Variants in SPATS2L observed in about 807,000 individuals in gnomAD.
SPATS2L encodes the protein spermatogenesis associated serine rich 2 like, also known as SPATS2-like protein.
SPATS2L carries 30 observed loss-of-function variants against 59.6 expected under a neutral mutation model. That is an observed-to-expected ratio of 0.50 (90% CI 0.38 to 0.68). SPATS2L has a LOEUF of 0.68. SPATS2L is among the 30% of genes least tolerant of loss of function. The pLI is 0.00. For synonymous variants in SPATS2L, 252 were observed against 263.5 expected (o/e 0.96, Z 0.42); for missense variants, 615 against 700.0 (o/e 0.88, Z 1.37).
rs182704153 is a variant in SPATS2L, at chr2:200,477,732, G to A, written c.1378G>A (p.Glu460Lys). ...GTCGCAGGGCAGTGGGAATGAAGCCGAGCCACTGGGAAAGGGCAACAGCCG... is the reference window on the plus strand; with the variant it reads ...GTCGCAGGGCAGTGGGAATGAAGCCAAGCCACTGGGAAAGGGCAACAGCCG... The part of the protein sequence containing the change: ...AKSQGSGNEA[E>K]PLGKGNSRHE... Residue 460 changes from glutamate to lysine, a missense_variant, in exon 13 of 13, where the codon GAG (glutamate) becomes AAG (lysine). Glu to Lys is a moderately conservative substitution (Grantham distance 56). This residue lies in a region of SPATS2L where 284 missense variants were observed against 280.1 expected (regional missense o/e 1.01). Coordinates refer to ENST00000409140, the MANE Select transcript of SPATS2L (RefSeq NM_001100423.2). The A allele has an allele frequency of 7.3e-5, 115 of 1,570,358 alleles. No individual in the cohort carries two copies. The highest frequency in any genetic ancestry group is 2.3e-5 in the South Asian group (2 of 85,586).
At chr2:200,379,993 A>T (rs1477808260) in intron 2 of SPATS2L, among the ~76,000 whole-genome samples, 1 of 152,172 alleles carries the variant, frequency 6.6e-6, no homozygotes, top group Admixed American at 6.5e-5. Context: ...TCAGAAGCAG[A>T]TCCTTATAGG....
intron 8 of SPATS2L, 75 bp from the exon 9 acceptor site, chr2:200,459,694 A>T: frequency 9.0e-7 from 1 of 1,106,098 alleles, no homozygotes; most frequent in Non-Finnish European, 1.3e-6. Context: ...AAATAATTTT[A>T]CTTTCAGTGC....
intron 1 of SPATS2L, among the ~76,000 whole-genome samples, chr2:200,318,379 A>G (rs1457674959): frequency 1.3e-5 from 2 of 152,178 alleles, no homozygotes; most frequent in Non-Finnish European, 2.9e-5. Context: ...CCATACCCTC[A>G]ATTTTAGTGC....
At chr2:200,336,233 A>G (rs558827548) in intron 2 of SPATS2L, among the ~76,000 whole-genome samples, 1 of 152,362 alleles carries the variant, frequency 6.6e-6, no homozygotes, top group Admixed American at 6.5e-5. Context: ...TGAAAATTTT[A>G]TGATACCTGG....
At chr2:200,307,175 C>T (rs28758890) in intron 1 of SPATS2L, among the ~76,000 whole-genome samples, 4,148 of 151,500 alleles carry the variant, frequency 0.027, 187 homozygotes, top group African/African-American at 0.095. Context: ...CGGGAGGAGG[C>T]GCCGGCTGGG....
intron 8 of SPATS2L, among the ~76,000 whole-genome samples, chr2:200,448,678 G>C (rs1477970141): frequency 1.3e-5 from 2 of 152,094 alleles, no homozygotes; most frequent in Non-Finnish European, 2.9e-5. Flanking sequence ...TCATCAAGTA[G>C]TTTTTCTAAG....
At chr2:200,372,843 A>T (rs201793235) in intron 2 of SPATS2L, among the ~76,000 whole-genome samples, 3 of 152,146 alleles carry the variant, frequency 2.0e-5, no homozygotes, top group African/African-American at 4.8e-5. Context: ...ATGCAGATAC[A>T]TTGTGAGGTC....
At chr2:200,369,195 G>T (rs1281317147) in intron 2 of SPATS2L, among the ~76,000 whole-genome samples, 1 of 151,770 alleles carries the variant, frequency 6.6e-6, no homozygotes, top group Admixed American at 6.6e-5. Context: ...GACTCGCTTT[G>T]TCACCCAGGC....
At chr2:200,444,227 A>G (rs2084885604) in intron 8 of SPATS2L, among the ~76,000 whole-genome samples, 1 of 152,248 alleles carries the variant, frequency 6.6e-6, no homozygotes, top group Admixed American at 6.5e-5. Flanking sequence ...ATTGCTTTAT[A>G]TGCAGACTAG....
chr2:200,474,938 C>T (rs181407407), intron 12 of SPATS2L, among the ~76,000 whole-genome samples: 1 of 152,294 alleles, frequency 6.6e-6, no homozygotes, highest in East Asian at 1.9e-4. Flanking sequence ...CTGGAATCTA[C>T]ACTCTTTGTT....
intron 9 of SPATS2L, among the ~76,000 whole-genome samples, chr2:200,465,441 G>A (rs2086524415): frequency 6.6e-6 from 1 of 152,324 alleles, no homozygotes; most frequent in Non-Finnish European, 1.5e-5. Context: ...CCACCTTTTT[G>A]TGACCTTTGG....
chr2:200,361,291 G>C (rs961540228), intron 2 of SPATS2L, among the ~76,000 whole-genome samples: 2 of 152,024 alleles, frequency 1.3e-5, no homozygotes, highest in Non-Finnish European at 2.9e-5. Context: ...AGAGAGAGAA[G>C]AAAAAGGAGA....
intron 2 of SPATS2L, among the ~76,000 whole-genome samples, chr2:200,331,155 C>T (rs531977565): frequency 8.5e-4 from 129 of 152,170 alleles, no homozygotes; most frequent in African/African-American, 3.0e-3. Flanking sequence ...AAGAGGTGTC[C>T]GAATTCAATT....
chr2:200,366,992 C>T (rs1474299892), intron 2 of SPATS2L, among the ~76,000 whole-genome samples: 1 of 152,170 alleles, frequency 6.6e-6, no homozygotes, highest in African/African-American at 2.4e-5. Context: ...TTGCTGGTGA[C>T]TGTCACTAAT....
Position 200,481,824 on chromosome 2 carries a change from GCACC to G in SPATS2L, c.*3795_*3798del, listed in dbSNP as rs1432536273. 53 of 152,380 alleles carry G rather than the reference GCACC, an allele frequency of 3.5e-4. No individual in the cohort carries two copies. In the East Asian group the frequency reaches 0.01, roughly 29 times the overall value. The allele number at this position is 152,380 out of a possible 1,614,324, so 9.4% of individuals were successfully genotyped here. Reference sequence around the variant, plus strand: ...GCCTCCCGAGTAGCTGGGACTACAGGCACCCGCCACCACACCTGGCTAATTTTTT... The same window carrying G: ...GCCTCCCGAGTAGCTGGGACTACAGGCGCCACCACACCTGGCTAATTTTTT... On this transcript the variant is annotated 3_prime_UTR_variant, in exon 13 of 13. Coordinates refer to ENST00000409140, the MANE Select transcript of SPATS2L (RefSeq NM_001100423.2).
At chr2:200,392,450 A>G (rs996220651) in intron 3 of SPATS2L, among the ~76,000 whole-genome samples, 1 of 152,300 alleles carries the variant, frequency 6.6e-6, no homozygotes, top group East Asian at 1.9e-4. Context: ...TGTGTTCATC[A>G]GTAACCTTAA....
intron 6 of SPATS2L, among the ~76,000 whole-genome samples, chr2:200,426,857 C>G (rs77896747): frequency 0.019 from 2,926 of 152,256 alleles, 47 homozygotes; most frequent in Middle Eastern, 0.085. Context: ...CTTCAAGTAA[C>G]TTGGTATCTT....
chr2:200,339,155 T>C (rs772688135), intron 2 of SPATS2L, among the ~76,000 whole-genome samples: 9 of 152,216 alleles, frequency 5.9e-5, no homozygotes, highest in Non-Finnish European at 8.8e-5. Context: ...ATGTTATTAT[T>C]GTATATAGGG....
At chr2:200,443,659 C>A (rs1037696851) in intron 8 of SPATS2L, among the ~76,000 whole-genome samples, 1 of 152,186 alleles carries the variant, frequency 6.6e-6, no homozygotes, top group Non-Finnish European at 1.5e-5. Context: ...GAACTAGAAA[C>A]TCAGGTCAGA....
Sources: allele counts gnomAD v4.1 joint callset (sites outside exome capture counted in the v4.1 genomes callset), GRCh38; gene constraint gnomAD v4.1.1; regional missense constraint gnomAD v4.1.1; transcripts MANE v1.5; gene names NCBI Gene and HGNC (gene_info 2026-07-23, HGNC 2026-07-21).